Variants in SEMA3D observed in about 807,000 individuals in gnomAD.
SEMA3D encodes the protein semaphorin-3D.
A neutral mutation model predicts 100.1 loss-of-function variants in SEMA3D; 84 were observed. The observed-to-expected ratio is 0.84, with a 90% CI of 0.70 to 1.01. SEMA3D has a LOEUF of 1.01. Ranked by LOEUF, SEMA3D falls within the 50% of genes least tolerant of loss-of-function variation. The probability of loss-of-function intolerance (pLI) is 0.00; values close to 1 mark genes in which losing one functional copy is unlikely to be tolerated. For missense variants in SEMA3D, 875 were observed against 934.1 expected (o/e 0.94, Z 0.82); for synonymous variants, 312 against 320.7 (o/e 0.97, Z 0.29).
At chr7:85,174,210 A>G (rs990463420) in intron 1 of SEMA3D, among the ~76,000 whole-genome samples, 1 of 152,174 alleles carries the variant, frequency 6.6e-6, no homozygotes, top group African/African-American at 2.4e-5. Flanking sequence ...TACTGTAAGG[A>G]TATGTGATTT....
At chr7:85,198,647 T>C in the SEMA3D span, among the ~76,000 whole-genome samples, 1 of 151,878 alleles carries the variant, frequency 6.6e-6, no homozygotes, top group African/African-American at 2.4e-5. Context: ...GTTTTAATTT[T>C]TTCTTTCCAT....
chr7:85,086,424 A>T (rs1788215264), intron 4 of SEMA3D, among the ~76,000 whole-genome samples: 1 of 152,124 alleles, frequency 6.6e-6, no homozygotes, highest in South Asian at 2.1e-4. Context: ...CACGAAAAAC[A>T]AGACAAAATC....
At chr7:85,084,629 G>A (rs1364670441) in intron 4 of SEMA3D, among the ~76,000 whole-genome samples, 1 of 148,794 alleles carries the variant, frequency 6.7e-6, no homozygotes, top group Non-Finnish European at 1.5e-5. Flanking sequence ...TTACTTTTAA[G>A]TTCAGAGGTA....
chr7:85,077,120 A>AC (rs1415364200), intron 5 of SEMA3D, among the ~76,000 whole-genome samples: 1 of 151,414 alleles, frequency 6.6e-6, no homozygotes, highest in Non-Finnish European at 1.5e-5. Context: ...AAAAAAAAAA[A>AC]AACTTTAAAA....
chr7:85,151,548 G>A (rs773380061), intron 2 of SEMA3D: 2 of 753,248 alleles, frequency 2.7e-6, no homozygotes, highest in Non-Finnish European at 3.2e-6. Flanking sequence ...ATATTTCTAT[G>A]CTGGTTAAAA....
At chr7:85,048,982 GTC>G (rs1170098922) in intron 9 of SEMA3D, among the ~76,000 whole-genome samples, 1 of 151,646 alleles carries the variant, frequency 6.6e-6, no homozygotes, top group Non-Finnish European at 1.5e-5. Context: ...CCAGAGGAAG[GTC>G]TATTGGCACT....
chr7:85,160,064 T>C lies in SEMA3D; in HGVS notation c.-172-6325A>G, dbSNP rs1790705274. 6.4e-6 allele frequency: 6 copies of C among 931,418 alleles called. No individual in the cohort carries two copies. In the South Asian group the frequency reaches 2.5e-4, roughly 38 times the overall value. The allele number at this position is 931,418 out of a possible 1,614,324, so 57.7% of individuals were successfully genotyped here. Reference sequence around the variant, plus strand: ...TGTTATTTTATTGAACTGCAAACAGTAATACTGAAAATAATATATATCTCA... The same window carrying C: ...TGTTATTTTATTGAACTGCAAACAGCAATACTGAAAATAATATATATCTCA... On this transcript the variant is annotated intron_variant, in intron 1 of 18. Coordinates refer to ENST00000284136, the MANE Select transcript of SEMA3D (RefSeq NM_001384900.1).
At chr7:85,110,076 G>A (rs957575796) in intron 3 of SEMA3D, among the ~76,000 whole-genome samples, 6 of 151,928 alleles carry the variant, frequency 3.9e-5, no homozygotes, top group Middle Eastern at 3.2e-3. Flanking sequence ...ACCCTGCTAG[G>A]AGAACATAGA....
rs1033046968 is a variant in SEMA3D, at chr7:85,132,418, G to A, written c.-40-10487C>T. Among the ~76,000 whole-genome samples the A allele has an allele frequency of 5.3e-5, 8 of 151,794 alleles. No homozygotes were observed. In the Admixed American group the frequency reaches 5.3e-4, roughly 10 times the overall value. ...AACATTTTAAACCATTTCAGATCTT[G>A]AACATGCCAGTATTATTTGTAACAG... On this transcript the variant is annotated intron_variant, in intron 2 of 18. Coordinates refer to ENST00000284136, the MANE Select transcript of SEMA3D (RefSeq NM_001384900.1).
At chr7:85,241,481 A>G in the SEMA3D span, among the ~76,000 whole-genome samples, 10 of 137,542 alleles carry the variant, frequency 7.3e-5, 1 homozygote, top group South Asian at 7.0e-4. Flanking sequence ...ATATATATAT[A>G]TATATATATA....
chr7:85,093,375 T>C (rs139276665), intron 4 of SEMA3D, among the ~76,000 whole-genome samples: 332 of 152,064 alleles, frequency 2.2e-3, no homozygotes, highest in Non-Finnish European at 4.2e-3. Context: ...AAAAGAGATA[T>C]AAGTGATGAT....
chr7:85,103,718 C>A (rs1410458030), intron 3 of SEMA3D, among the ~76,000 whole-genome samples: 1 of 152,030 alleles, frequency 6.6e-6, no homozygotes, highest in Non-Finnish European at 1.5e-5. Flanking sequence ...TTCAAATTCC[C>A]ACTTTTGTTC....
chr7:85,223,376 G>A, the SEMA3D span, among the ~76,000 whole-genome samples: 8 of 152,014 alleles, frequency 5.3e-5, no homozygotes, highest in African/African-American at 1.7e-4. Flanking sequence ...TCCCACTACT[G>A]GGTATTTATC....
the SEMA3D span, among the ~76,000 whole-genome samples, chr7:85,203,068 A>G: frequency 6.6e-6 from 1 of 152,202 alleles, no homozygotes; most frequent in Admixed American, 6.5e-5. Context: ...TTGGAAGTAG[A>G]TGATTTGTCA....
chr7:85,207,062 G>T, the SEMA3D span, among the ~76,000 whole-genome samples: 1 of 152,018 alleles, frequency 6.6e-6, no homozygotes, highest in Non-Finnish European at 1.5e-5. Context: ...ATCAGTAATT[G>T]TTACATACTT....
At position 85,055,708 on chromosome 7, in the gene SEMA3D, A is replaced by T; in HGVS notation, c.861+9T>A. 1 of 1,044,466 alleles carries T rather than the reference A, an allele frequency of 9.6e-7. No homozygotes were observed. The highest frequency in any genetic ancestry group is 1.3e-6 in the Non-Finnish European group (1 of 747,060). The allele number at this position is 1,044,466 out of a possible 1,614,324, so 64.7% of individuals were successfully genotyped here. On this transcript the variant is annotated intron_variant, in intron 9 of 18. Coordinates refer to ENST00000284136, the MANE Select transcript of SEMA3D (RefSeq NM_001384900.1). ...TATGTTTTAAGTAAAATATATAAAT[A>T]TATCTTGCCTTACAAACTCTTCCAA...
the SEMA3D span, among the ~76,000 whole-genome samples, chr7:85,248,744 G>A: frequency 2.0e-5 from 3 of 151,954 alleles, no homozygotes; most frequent in African/African-American, 7.3e-5. Context: ...AATACTGTAT[G>A]ATTCTAATAA....
intron 3 of SEMA3D, among the ~76,000 whole-genome samples, chr7:85,113,082 T>C (rs1043453206): frequency 1.3e-5 from 2 of 152,168 alleles, no homozygotes; most frequent in Non-Finnish European, 2.9e-5. Context: ...AAGTCCTTAG[T>C]GATGATGGCG....
At chr7:85,152,522 A>C (rs1359639240) in intron 2 of SEMA3D, among the ~76,000 whole-genome samples, 11 of 152,122 alleles carry the variant, frequency 7.2e-5, no homozygotes. Flanking sequence ...TCTTATAGTA[A>C]AAGAAAAATG....
Sources: gnomAD v4.1 joint callset for allele counts (sites outside exome capture counted in the v4.1 genomes callset) on GRCh38, gnomAD v4.1.1 for gene constraint, MANE v1.5 for transcripts, NCBI Gene and HGNC (gene_info 2026-07-23, HGNC 2026-07-21) for gene names.